The following CDK5RAP1 variants were observed in gnomAD, a reference collection of about 807,000 sequenced individuals.
CDK5RAP1 encodes mitochondrial tRNA methylthiotransferase CDK5RAP1.
CDK5RAP1 carries 62 observed loss-of-function variants against 64.5 expected under a neutral mutation model. The observed-to-expected ratio is 0.96, with a 90% confidence interval of 0.78 to 1.19. The LOEUF is 1.19. Among genes scored for constraint, CDK5RAP1 ranks in the 50% most tolerant of loss-of-function variants. The pLI, the probability that CDK5RAP1 is intolerant of heterozygous loss-of-function variation, is 0.00. For synonymous variants in CDK5RAP1, 250 were observed against 261.9 expected (o/e 0.95, Z 0.44); for missense variants, 657 against 735.0 (o/e 0.89, Z 1.23).
intron 7 of CDK5RAP1, among the ~76,000 whole-genome samples, chr20:33,381,735 T>C (rs1434342930): frequency 6.6e-6 from 1 of 152,142 alleles, no homozygotes; most frequent in Non-Finnish European, 1.5e-5. Flanking sequence ...GCCCAAATAA[T>C]GTTCTTTATA....
At chr20:33,375,305 G>A (rs1384263929) in intron 8 of CDK5RAP1, among the ~76,000 whole-genome samples, 1 of 151,260 alleles carries the variant, frequency 6.6e-6, no homozygotes, top group Non-Finnish European at 1.5e-5. Context: ...AGGAGGTTGA[G>A]GCAGGAGAAT....
intron 11 of CDK5RAP1, among the ~76,000 whole-genome samples, chr20:33,367,877 T>C (rs1005363348): frequency 6.6e-6 from 1 of 152,166 alleles, no homozygotes; most frequent in African/African-American, 2.4e-5. Context: ...ATACCAAAGT[T>C]TGGACATTCA....
chr20:33,365,361 T>C (rs757562310), intron 12 of CDK5RAP1, among the ~76,000 whole-genome samples: 4 of 151,826 alleles, frequency 2.6e-5, no homozygotes, highest in Non-Finnish European at 5.9e-5. Context: ...AACCTCCGCC[T>C]CCCAGGTTCA....
intron 9 of CDK5RAP1, 188 bp downstream of exon 9, chr20:33,373,927 C>CT (rs1985527224): frequency 1.7e-6 from 1 of 597,792 alleles, no homozygotes. Flanking sequence ...GTGACCAGTC[C>CT]TTAGCCTTTG....
rs768048223 is a variant in CDK5RAP1, at chr20:33,379,498, CG to C, written c.1069del (p.Arg357ValfsTer17). The C allele has an allele frequency of 6.2e-7, 1 of 1,613,832 alleles. No individual in the cohort carries two copies. The highest frequency in any genetic ancestry group is 2.2e-5 in the East Asian group (1 of 44,882). ...VSRVDPEMRI[R>X]FTSPHPKDFP... ...ATCCTTGGGGTGGGGAGAGGTAAAA[CG>C]GATCCTCATTTCAGGATCTACTCTG... On this transcript the variant is annotated frameshift_variant, in exon 8 of 14. Coordinates refer to ENST00000346416, the MANE Select transcript of CDK5RAP1 (RefSeq NM_016408.4). LOFTEE classifies it high-confidence loss of function.
Position 33,385,684 on chromosome 20 carries a change from G to C in CDK5RAP1, c.842C>G (p.Ser281Cys), listed in dbSNP as rs1195968337. 1.2e-6 allele frequency: 2 copies of C among 1,614,168 alleles called. No individual in the cohort carries two copies. The highest frequency in any genetic ancestry group is 2.2e-5 in the South Asian group (2 of 91,082). Residue 281 changes from serine (S) to cysteine (C), a missense_variant, in exon 7 of 14, where the codon TCC becomes TGC. Transcript: ENST00000346416. ...RGRERSRPIA[S>C]ILEEVKKLSE... is the part of the protein sequence containing the mutation. The stretch of plus-strand genomic sequence containing the variant: ...AAGCTTCTTCACTTCCTCTAGAATG[G>C]AGGCAATAGGCCGACTCCTCTCCCT...
chr20:33,368,302 T>C (rs1984355050), intron 11 of CDK5RAP1, among the ~76,000 whole-genome samples: 1 of 152,052 alleles, frequency 6.6e-6, no homozygotes, highest in South Asian at 2.1e-4. Context: ...AGGATTTTTT[T>C]TTCTTTTTTG....
chr20:33,359,675 C>T (rs1440718134), intron 13 of CDK5RAP1: 1 of 156,096 alleles, frequency 6.4e-6, no homozygotes, highest in African/African-American at 2.4e-5. Context: ...AGAAACAAAA[C>T]AGGCATTTTC....
At chr20:33,392,462 AT>A (rs1202756640) in intron 4 of CDK5RAP1, among the ~76,000 whole-genome samples, 5,311 of 118,964 alleles carry the variant, frequency 0.045, 272 homozygotes, top group African/African-American at 0.14. Flanking sequence ...TTTGGGGGGG[AT>A]TTTTTTTTTT....
intron 1 of CDK5RAP1, among the ~76,000 whole-genome samples, chr20:33,398,648 C>CG (rs1989118779): frequency 6.6e-6 from 1 of 150,766 alleles, no homozygotes; most frequent in African/African-American, 2.4e-5. Context: ...GGCTGGTGGC[C>CG]GGGTGCAGTG....
intron 9 of CDK5RAP1, 179 bp downstream of exon 9, chr20:33,373,936 T>C (rs1985528596): frequency 1.6e-6 from 1 of 610,598 alleles, no homozygotes; most frequent in South Asian, 2.0e-5. Context: ...CCTTAGCCTT[T>C]GCTTATGAAG....
intron 1 of CDK5RAP1, among the ~76,000 whole-genome samples, chr20:33,397,611 T>C (rs2146730971): frequency 6.6e-6 from 1 of 152,334 alleles, no homozygotes; most frequent in Non-Finnish European, 1.5e-5. Flanking sequence ...CCACTCACTG[T>C]CTGAGGGCAT....
chr20:33,392,695 T>A (rs1460915257), intron 4 of CDK5RAP1, among the ~76,000 whole-genome samples: 1 of 152,072 alleles, frequency 6.6e-6, no homozygotes, highest in Non-Finnish European at 1.5e-5. Context: ...ACATCCTTCC[T>A]ACACATCTTC....
At chr20:33,395,279 C>A (rs962911516) in intron 2 of CDK5RAP1, among the ~76,000 whole-genome samples, 163 bp from the exon 3 acceptor site, 1 of 152,088 alleles carries the variant, frequency 6.6e-6, no homozygotes, top group Non-Finnish European at 1.5e-5. Flanking sequence ...GCCAGATGTA[C>A]CCCCAAGTTA....
intron 4 of CDK5RAP1, among the ~76,000 whole-genome samples, chr20:33,393,281 T>G (rs1312031388): frequency 6.6e-6 from 1 of 152,100 alleles, no homozygotes; most frequent in Admixed American, 6.6e-5. Context: ...ACTCAAGTGA[T>G]CCTCCCACCT....
At chr20:33,399,438 C>G (rs989738824) in intron 1 of CDK5RAP1, among the ~76,000 whole-genome samples, 1 of 152,202 alleles carries the variant, frequency 6.6e-6, no homozygotes, top group African/African-American at 2.4e-5. Context: ...TCCCAAAGCT[C>G]TATTCTATCT....
intron 7 of CDK5RAP1, among the ~76,000 whole-genome samples, chr20:33,382,690 T>G (rs981519692): frequency 4.0e-5 from 6 of 150,630 alleles, no homozygotes; most frequent in African/African-American, 1.5e-4. Flanking sequence ...TCTAAATAAA[T>G]AAATAAAATA....
intron 3 of CDK5RAP1, 95 bp from the exon 4 acceptor site, chr20:33,394,161 T>G: frequency 1.1e-6 from 1 of 930,670 alleles, no homozygotes; most frequent in Non-Finnish European, 1.7e-6. Flanking sequence ...TTATTTTTTT[T>G]TCCTTTTTTT....
chr20:33,377,860 C>T (rs767899701), intron 8 of CDK5RAP1, among the ~76,000 whole-genome samples: 2 of 152,156 alleles, frequency 1.3e-5, no homozygotes, highest in Non-Finnish European at 2.9e-5. Context: ...CCATGTTGGC[C>T]AGGCTGATCT....
Sources: allele counts gnomAD v4.1 joint callset (sites outside exome capture counted in the v4.1 genomes callset), GRCh38; gene constraint gnomAD v4.1.1; transcripts MANE v1.5; gene names NCBI Gene and HGNC (gene_info 2026-07-23, HGNC 2026-07-21).